The following ANGPT1 variants were observed in gnomAD, a reference collection of about 807,000 sequenced individuals.
ANGPT1 encodes the protein angiopoietin 1.
ANGPT1 carries 17 observed loss-of-function variants against 62.2 expected under a neutral mutation model. The ratio of observed to expected loss-of-function variants is 0.27; its 90% CI spans 0.19 to 0.41. The LOEUF is 0.41. Ranked by LOEUF, ANGPT1 falls within the 10% of genes least tolerant of loss-of-function variation. The pLI, the probability that ANGPT1 is intolerant of heterozygous loss-of-function variation, is 1.00. For synonymous variants in ANGPT1, 199 were observed against 198.9 expected (o/e 1.00, Z 0.00); for missense variants, 478 against 594.9 (o/e 0.80, Z 2.04).
chr8:107,294,525 T>C (rs1308422231), intron 5 of ANGPT1: 1 of 152,592 alleles, frequency 6.6e-6, no homozygotes, highest in African/African-American at 2.4e-5. Context: ...TCATTGCCTA[T>C]CAATTCTTAT....
At chr8:107,273,205 T>A (rs1265110049) in intron 7 of ANGPT1, among the ~76,000 whole-genome samples, 1 of 152,144 alleles carries the variant, frequency 6.6e-6, no homozygotes. Context: ...TCATTTTTTA[T>A]TTGTGTTTAA....
chr8:107,402,046 C>T (rs757768348), intron 1 of ANGPT1, among the ~76,000 whole-genome samples: 4 of 152,150 alleles, frequency 2.6e-5, no homozygotes, highest in Admixed American at 2.6e-4. Flanking sequence ...TCAATCAGCA[C>T]ATTGGGTGAT....
At chr8:107,425,745 C>T (rs1304703373) in intron 1 of ANGPT1, among the ~76,000 whole-genome samples, 1 of 152,194 alleles carries the variant, frequency 6.6e-6, no homozygotes, top group African/African-American at 2.4e-5. Context: ...TACTTTCCCA[C>T]AACTTGCATA....
intron 6 of ANGPT1, among the ~76,000 whole-genome samples, chr8:107,288,745 C>T (rs1025840034): frequency 1.3e-5 from 2 of 152,116 alleles, no homozygotes; most frequent in African/African-American, 4.8e-5. Context: ...AAAATCTCAT[C>T]TTCATACTGA....
chr8:107,380,873 G>A (rs558839652), intron 1 of ANGPT1, among the ~76,000 whole-genome samples: 1 of 152,238 alleles, frequency 6.6e-6, no homozygotes, highest in East Asian at 1.9e-4. Flanking sequence ...TCTTACCTGT[G>A]TTTGTTTATA....
intron 8 of ANGPT1, among the ~76,000 whole-genome samples, chr8:107,253,696 T>A (rs1288960899): frequency 6.6e-6 from 1 of 152,124 alleles, no homozygotes; most frequent in East Asian, 1.9e-4. Context: ...TTATAGAAAG[T>A]CACAGGAGTC....
chr8:107,359,909 A>C (rs1816123722), intron 1 of ANGPT1, among the ~76,000 whole-genome samples: 1 of 152,170 alleles, frequency 6.6e-6, no homozygotes, highest in Non-Finnish European at 1.5e-5. Context: ...ATACCCAGAA[A>C]TAAAATAAAG....
chr8:107,378,758 A>C (rs1343815995), intron 1 of ANGPT1, among the ~76,000 whole-genome samples: 1 of 152,064 alleles, frequency 6.6e-6, no homozygotes, highest in South Asian at 2.1e-4. Flanking sequence ...GGCCTTGTGA[A>C]GAAGGTGCAT....
intron 3 of ANGPT1, 76 bp downstream of exon 3, chr8:107,336,074 G>A: frequency 7.2e-7 from 1 of 1,390,424 alleles, no homozygotes. Flanking sequence ...AACCTTATTT[G>A]TTTAAGAGTT....
At chr8:107,417,131 T>A (rs1378518131) in intron 1 of ANGPT1, among the ~76,000 whole-genome samples, 1 of 151,942 alleles carries the variant, frequency 6.6e-6, no homozygotes. Flanking sequence ...AAGATTAGAG[T>A]ATATTTTTAG....
chr8:107,299,653 C>T (rs111205779), intron 5 of ANGPT1, among the ~76,000 whole-genome samples: 1,444 of 133,192 alleles, frequency 0.011, 43 homozygotes, highest in African/African-American at 0.037. Flanking sequence ...ATATAAATAT[C>T]TATATATAGA....
intron 1 of ANGPT1, among the ~76,000 whole-genome samples, chr8:107,466,862 C>T (rs1446820075): frequency 1.3e-5 from 2 of 151,706 alleles, no homozygotes; most frequent in African/African-American, 2.4e-5. Context: ...CAGTGAGCAG[C>T]AACTATGCCA....
intron 1 of ANGPT1, among the ~76,000 whole-genome samples, chr8:107,426,439 C>T (rs555337015): frequency 2.4e-4 from 37 of 152,268 alleles, no homozygotes; most frequent in East Asian, 9.7e-4. Flanking sequence ...AAGAAATAAT[C>T]GCATGTTTGA....
At chr8:107,396,474 G>A (rs1233861238) in intron 1 of ANGPT1, among the ~76,000 whole-genome samples, 4 of 146,050 alleles carry the variant, frequency 2.7e-5, no homozygotes, top group South Asian at 2.2e-4. Flanking sequence ...ACTAAAACCC[G>A]TCCTTTTTAG....
intron 2 of ANGPT1, among the ~76,000 whole-genome samples, chr8:107,338,279 G>T (rs1815617717): frequency 6.6e-6 from 1 of 152,088 alleles, no homozygotes; most frequent in South Asian, 2.1e-4. Flanking sequence ...AGTAATCAAG[G>T]TAAGTAATAT....
intron 8 of ANGPT1, among the ~76,000 whole-genome samples, chr8:107,257,845 T>C (rs1221351000): frequency 6.6e-6 from 1 of 150,778 alleles, no homozygotes; most frequent in Non-Finnish European, 1.5e-5. Context: ...CATCTCTTAA[T>C]ATATCCTCTT....
At chr8:107,482,493 G>C (rs142233189) in intron 1 of ANGPT1, among the ~76,000 whole-genome samples, 1 of 152,262 alleles carries the variant, frequency 6.6e-6, no homozygotes, top group African/African-American at 2.4e-5. Context: ...CCATGGCCTT[G>C]GGGTATATGG....
intron 6 of ANGPT1, among the ~76,000 whole-genome samples, chr8:107,286,480 T>G (rs1432162665): frequency 2.0e-5 from 3 of 152,174 alleles, no homozygotes; most frequent in African/African-American, 7.2e-5. Flanking sequence ...AGAGATTGGA[T>G]GCATTCTACT....
At chr8:107,289,899 C>T (rs757973048) in intron 6 of ANGPT1, among the ~76,000 whole-genome samples, 2 of 152,098 alleles carry the variant, frequency 1.3e-5, no homozygotes, top group Non-Finnish European at 2.9e-5. Context: ...GAAAGTACTG[C>T]TGATAAGTGT....
Sources: allele counts gnomAD v4.1 joint callset (sites outside exome capture counted in the v4.1 genomes callset), GRCh38; gene constraint gnomAD v4.1.1; transcripts MANE v1.5; gene names NCBI Gene and HGNC (gene_info 2026-07-23, HGNC 2026-07-21).